Variants in CEP83 observed in about 807,000 individuals in gnomAD.
The protein encoded by CEP83 is centrosomal protein 83, also known as centrosomal protein of 83 kDa.
In CEP83, 70 loss-of-function variants were observed where a neutral mutation model predicts 101.9. The observed-to-expected ratio is 0.69, with a 90% CI of 0.57 to 0.84. The LOEUF (loss-of-function observed/expected upper bound fraction) is 0.84, where lower values mean the gene tolerates loss of function less well. Ranked by LOEUF, CEP83 falls within the 40% of genes least tolerant of loss-of-function variation. CEP83 has a pLI of 0.00. For synonymous variants in CEP83, 264 were observed against 267.9 expected, an observed-to-expected ratio of 0.99 and a Z score of 0.14; for missense variants, 715 against 787.2, an observed-to-expected ratio of 0.91 and a Z score of 1.10.
At chr12:94,328,242 G>T in intron 14 of CEP83, 1 of 332,094 alleles carries the variant, frequency 3.0e-6, no homozygotes, top group Non-Finnish European at 6.1e-6. Flanking sequence ...AATGGGGGTG[G>T]GGGGAATACA....
At chr12:94,360,551 G>A (rs1000783012) in intron 11 of CEP83, among the ~76,000 whole-genome samples, 4 of 151,710 alleles carry the variant, frequency 2.6e-5, no homozygotes, top group Non-Finnish European at 4.4e-5. Context: ...ATTTAACAAA[G>A]GAGGTAAAAG....
chr12:94,372,816 T>C (rs1418056214), intron 8 of CEP83, among the ~76,000 whole-genome samples: 3 of 152,250 alleles, frequency 2.0e-5, no homozygotes, highest in Non-Finnish European at 4.4e-5. Context: ...TCAAGCAATT[T>C]ACCTGTCCTC....
At chr12:94,322,396 G>A (rs1305605473) in intron 14 of CEP83, among the ~76,000 whole-genome samples, 1 of 152,122 alleles carries the variant, frequency 6.6e-6, no homozygotes, top group Non-Finnish European at 1.5e-5. Context: ...CCACTGAGGA[G>A]GAATGGGATT....
intron 14 of CEP83, among the ~76,000 whole-genome samples, chr12:94,324,949 C>G (rs1267157650): frequency 1.3e-5 from 2 of 152,150 alleles, no homozygotes; most frequent in African/African-American, 2.4e-5. Context: ...CCTACTATAC[C>G]TCTTTCTATT....
chr12:94,439,911 C>T (rs1187363283), intron 1 of CEP83, among the ~76,000 whole-genome samples: 1 of 152,074 alleles, frequency 6.6e-6, no homozygotes, highest in Non-Finnish European at 1.5e-5. Flanking sequence ...AAATGTAATA[C>T]ACCATATAAA....
chr12:94,303,684 T>C, downstream of CEP83: 1 of 1,279,134 alleles, frequency 7.8e-7, no homozygotes, highest in Admixed American at 3.1e-5. Context: ...ATATTATAAA[T>C]TCCTCCATCT....
chr12:94,287,980 T>C, the CEP83 span, among the ~76,000 whole-genome samples: 1 of 152,214 alleles, frequency 6.6e-6, no homozygotes, highest in Non-Finnish European at 1.5e-5. Flanking sequence ...ACAGAGTTCC[T>C]TCACTGATGC....
intron 6 of CEP83, among the ~76,000 whole-genome samples, chr12:94,391,687 T>C (rs568410268): frequency 6.6e-5 from 10 of 152,066 alleles, no homozygotes; most frequent in Admixed American, 1.3e-4. Context: ...GACTGGCAAA[T>C]TGGATAAAGA....
At chr12:94,423,961 C>A in intron 2 of CEP83, 1 of 1,613,038 alleles carries the variant, frequency 6.2e-7, no homozygotes. Context: ...GGGGTCCCAT[C>A]ATGGAGGCAG....
the CEP83 span, among the ~76,000 whole-genome samples, chr12:94,276,537 A>G: frequency 1.3e-5 from 2 of 152,198 alleles, no homozygotes; most frequent in African/African-American, 2.4e-5. Flanking sequence ...TGTGGCACCA[A>G]TTGTGCAGTT....
the CEP83 span, chr12:94,294,427 T>C: frequency 1.7e-5 from 12 of 721,560 alleles, 1 homozygote; most frequent in South Asian, 1.9e-4. Flanking sequence ...AATTCCTGGG[T>C]GAAGTTGAGA....
At chr12:94,345,659 C>T (rs1029253322) in intron 11 of CEP83, among the ~76,000 whole-genome samples, 6 of 152,156 alleles carry the variant, frequency 3.9e-5, no homozygotes, top group Non-Finnish European at 2.9e-5. Context: ...ATTACCTTAC[C>T]CGACAGCAGG....
chr12:94,282,439 C>T, the CEP83 span: 2 of 1,304,868 alleles, frequency 1.5e-6, no homozygotes, highest in Non-Finnish European at 1.1e-6. Context: ...CCTTCCTCAT[C>T]CCCAATCCTA....
rs750312261 is a variant in CEP83 at position 94,308,926 on chromosome 12, G to T, written c.2002-9C>A. 1.3e-6 allele frequency: 2 copies of T among 1,582,174 alleles called. No individual in the cohort carries two copies. The highest frequency in any genetic ancestry group is 1.3e-5 in the African/African-American group (1 of 74,324). On this transcript the variant is annotated splice_polypyrimidine_tract_variant and intron_variant, in intron 16 of 16. Transcript: ENST00000397809. ...CTTTGATGTTGTTCCTCCTTAAAAT[G>T]ATGTAGAGAAAGCATAGCAAAAGAA...
chr12:94,274,164 A>C, the CEP83 span, among the ~76,000 whole-genome samples: 1 of 132,822 alleles, frequency 7.5e-6, no homozygotes. Context: ...CTAAAAAAAA[A>C]AAAAAAAAAA....
In CEP83 at chr12:94,314,619, G is replaced by C. The variant is rs892711492; in HGVS notation, c.1708-1602C>G. ...ATATTCACTCAGTACACCGTTAAGG[G>C]TTATCTGCATTATTTCCAGTTGGGA... On this transcript the variant is annotated intron_variant, in intron 14 of 16. Coordinates refer to ENST00000397809, the MANE Select transcript of CEP83 (RefSeq NM_016122.3). 3.9e-5 allele frequency among the ~76,000 whole-genome samples: 6 copies of C among 152,064 alleles called. No individual in the cohort carries two copies. The East Asian group carries it at 1.2e-3, about 29-fold the overall frequency.
chr12:94,289,490 C>T, the CEP83 span, among the ~76,000 whole-genome samples: 71 of 152,188 alleles, frequency 4.7e-4, no homozygotes, highest in Non-Finnish European at 6.2e-4. Context: ...TGACATTAAT[C>T]TTTCTTTGAC....
chr12:94,334,524 C>A (rs1308483978), intron 12 of CEP83, among the ~76,000 whole-genome samples: 2 of 152,066 alleles, frequency 1.3e-5, no homozygotes, highest in Non-Finnish European at 2.9e-5. Context: ...TCTCTCTTAG[C>A]CATTTTCTGA....
At chr12:94,419,626 G>A (rs1159957371) in intron 2 of CEP83, among the ~76,000 whole-genome samples, 1 of 152,048 alleles carries the variant, frequency 6.6e-6, no homozygotes, top group Non-Finnish European at 1.5e-5. Context: ...AATTAAGATG[G>A]TATAGTATGC....
Sources: allele counts gnomAD v4.1 joint callset (sites outside exome capture counted in the v4.1 genomes callset), GRCh38; gene constraint gnomAD v4.1.1; transcripts MANE v1.5; gene names NCBI Gene and HGNC (gene_info 2026-07-23, HGNC 2026-07-21).